GOLGA8S: variants seen among roughly 807,000 people sequenced by gnomAD.
The protein encoded by GOLGA8S is golgin subfamily A member 8S.
In GOLGA8S, 23 loss-of-function variants were observed where a neutral mutation model predicts 58.9. The observed-to-expected ratio is 0.39, with a 90% CI of 0.28 to 0.55. The LOEUF (loss-of-function observed/expected upper bound fraction) is 0.55, where lower values mean the gene tolerates loss of function less well. Ranked by LOEUF, GOLGA8S falls within the 20% of genes least tolerant of loss-of-function variation. The pLI is 0.63. For synonymous variants in GOLGA8S, 84 were observed against 195.7 expected, an observed-to-expected ratio of 0.43 and a Z score of 4.76; for missense variants, 266 against 514.2, an observed-to-expected ratio of 0.52 and a Z score of 4.67.
intron 1 of GOLGA8S, among the ~76,000 whole-genome samples, chr15:23,356,322 G>A (rs2069688233): frequency 1.4e-5 from 2 of 141,918 alleles, no homozygotes; most frequent in Non-Finnish European, 3.2e-5. Context: ...TTGGTCCCTG[G>A]CAGCTGATGA....
rs768094668 is a variant in GOLGA8S at position 23,365,044 on chromosome 15, C to G, written c.1788C>G (p.Ile596Met). Residue 596 changes from isoleucine to methionine, a missense_variant, in exon 19 of 19, where the codon ATC becomes ATG. Coordinates refer to ENST00000562295, the Ensembl canonical transcript of GOLGA8S. ...TTGACAAGCCTACTGCACAGCCGATCGTGCAGGACCACCAGGAGCACCCAG... is the reference window on the plus strand; with the variant it reads ...TTGACAAGCCTACTGCACAGCCGATGGTGCAGGACCACCAGGAGCACCCAG... The G allele has an allele frequency of 1.1e-5, 17 of 1,580,342 alleles. 1 individual carries two copies. The Admixed American group carries it at 2.7e-4, about 25-fold the overall frequency.
chr15:23,358,010 G>C (rs1010447154), intron 4 of GOLGA8S, among the ~76,000 whole-genome samples: 1 of 150,254 alleles, frequency 6.7e-6, no homozygotes, highest in Non-Finnish European at 1.5e-5. Context: ...GAGTATCAAA[G>C]GTCTCTGTTA....
In GOLGA8S at chr15:23,360,715, G is replaced by A. The variant is rs1237397588; in HGVS notation, c.787-13G>A. ...CCTCTCTCCAGGGCCCTTTCCCCCT[G>A]TGCTTTGGGCAGGTTTGCTCGTTGA... On this transcript the variant is annotated splice_polypyrimidine_tract_variant and intron_variant, in intron 10 of 18. Transcript: ENST00000562295. 1 of 1,079,126 alleles carries A rather than the reference G, an allele frequency of 9.3e-7. No homozygotes were observed. Among genetic ancestry groups the A allele is most frequent in the Non-Finnish European group, 1.4e-6 (1 of 695,554 alleles). 66.8% of individuals were successfully genotyped at this position (1,079,126 alleles called of 1,614,324 possible).
At chr15:23,365,540 TG>T (rs1438517006), downstream of GOLGA8S, 1 of 306,822 alleles carries the variant, frequency 3.3e-6, no homozygotes, top group Non-Finnish European at 6.2e-6. Context: ...AGACAAAATT[TG>T]CCTATGTTCT....
chr15:23,365,628 G>A (rs1267982512), downstream of GOLGA8S: 1 of 226,368 alleles, frequency 4.4e-6, no homozygotes, highest in Non-Finnish European at 8.7e-6. Flanking sequence ...AGCGTGCACT[G>A]TTTATTACTT....
intron 13 of GOLGA8S, among the ~76,000 whole-genome samples, chr15:23,362,911 CGTGGCCACCTATCAGCAGCAG>C (rs1567269140): frequency 1.5e-4 from 15 of 97,534 alleles, no homozygotes; most frequent in African/African-American, 5.2e-4. Context: ...TGCAGCAGTA[CGTGGCCACCTATCAGCAGCAG>C]GTGGCCGCCT....
chr15:23,357,810 C>A (rs920083215), intron 4 of GOLGA8S, among the ~76,000 whole-genome samples, 191 bp downstream of exon 4: 1 of 149,564 alleles, frequency 6.7e-6, no homozygotes, highest in Admixed American at 6.7e-5. Context: ...TGTTTGCTGA[C>A]TCTCCCCTCT....
At chr15:23,361,381 G>A (rs140781714) in exon 12 of GOLGA8S, 12,352 of 873,028 alleles carry the variant, frequency 0.014, 454 homozygotes, top group South Asian at 0.075. Flanking sequence ...GGCTTCGGGA[G>A]CAGCAGGAGA....
chr15:23,356,083 C>G (rs2702819), intron 1 of GOLGA8S, among the ~76,000 whole-genome samples: 225 of 140,068 alleles, frequency 1.6e-3, no homozygotes, highest in Admixed American at 0.01. Flanking sequence ...AGGTTTCTAA[C>G]AGTATACCAG....
chr15:23,360,589 C>T (rs1314968223), intron 10 of GOLGA8S, 57 bp downstream of exon 10: 21 of 1,032,334 alleles, frequency 2.0e-5, no homozygotes, highest in East Asian at 2.4e-5. Context: ...TCTTTCTGGG[C>T]ACCTGTAAAA....
chr15:23,357,842 C>T (rs1377368147), intron 4 of GOLGA8S, among the ~76,000 whole-genome samples: 1 of 150,074 alleles, frequency 6.7e-6, no homozygotes, highest in Non-Finnish European at 1.5e-5. Flanking sequence ...TGCTCGAGTC[C>T]TTGCTACACA....
chr15:23,365,335 C>T (rs1346516366), downstream of GOLGA8S: 1 of 635,174 alleles, frequency 1.6e-6, no homozygotes, highest in East Asian at 2.7e-5. Flanking sequence ...GATGTTCACT[C>T]TGGCATCCTT....
At chr15:23,360,603 G>C (rs564053946) in intron 10 of GOLGA8S, 71 bp downstream of exon 10, 24,850 of 1,150,996 alleles carry the variant, frequency 0.022, 1,193 homozygotes, top group Non-Finnish European at 0.026. Flanking sequence ...TGTAAAATGG[G>C]AATAGTAGAG....
chr15:23,367,919 AT>A (rs1284096411), downstream of GOLGA8S, among the ~76,000 whole-genome samples: 2 of 151,992 alleles, frequency 1.3e-5, no homozygotes, highest in African/African-American at 2.4e-5. Context: ...TGAAAAAAAA[AT>A]CAGCTCTAAA....
chr15:23,364,462 C>G lies in GOLGA8S; in HGVS notation c.1448+19C>G. On this transcript the variant is annotated intron_variant, in intron 16 of 18. Transcript: ENST00000562295. ...GCCATCAGTGAGTGGGAGGCCAGGG[C>G]ACAGCAGGGGGAGCTACAGGGCCGT... is the stretch of plus-strand genomic sequence containing the variant. 15 of 1,604,552 alleles carry G rather than the reference C, an allele frequency of 9.3e-6. No homozygotes were observed. Among genetic ancestry groups the G allele is most frequent in the Non-Finnish European group, 1.3e-5 (15 of 1,178,446 alleles).
At chr15:23,365,830 C>T (rs149051785), downstream of GOLGA8S, 1,465 of 158,056 alleles carry the variant, frequency 9.3e-3, 42 homozygotes, top group African/African-American at 0.033. Context: ...TCATCTGTTC[C>T]GGTGCCAGGA....
chr15:23,364,318 T>A, intron 15 of GOLGA8S, 25 bp from the exon 16 acceptor site: 3 of 1,598,248 alleles, frequency 1.9e-6, no homozygotes, highest in Non-Finnish European at 2.5e-6. Context: ...GCTGCCGAGA[T>A]GTGACTACAA....
chr15:23,359,625 A>C (rs1414107393), intron 8 of GOLGA8S, among the ~76,000 whole-genome samples: 1 of 142,368 alleles, frequency 7.0e-6, no homozygotes, highest in South Asian at 2.3e-4. Context: ...GTTCATAAAA[A>C]CTCAGGAGAG....
intron 15 of GOLGA8S, among the ~76,000 whole-genome samples, chr15:23,364,110 C>T (rs1463964533): frequency 4.4e-5 from 6 of 135,760 alleles, no homozygotes; most frequent in African/African-American, 1.0e-4. Flanking sequence ...AGGGTGGCTG[C>T]CAGCGCCTGG....
Sources: gnomAD v4.1 joint callset for allele counts (sites outside exome capture counted in the v4.1 genomes callset) on GRCh38, gnomAD v4.1.1 for gene constraint, MANE v1.5 for transcripts, NCBI Gene and HGNC (gene_info 2026-07-23, HGNC 2026-07-21) for gene names.